Variants in ZNF248 observed in about 807,000 individuals in gnomAD.
The protein encoded by ZNF248 is zinc finger protein 248.
In ZNF248, 20 loss-of-function variants were observed where a neutral mutation model predicts 44.3. The ratio of observed to expected loss-of-function variants is 0.45; its 90% CI spans 0.32 to 0.66. The LOEUF is 0.66. ZNF248 is among the 30% of genes least tolerant of loss of function. The pLI, the probability that ZNF248 is intolerant of heterozygous loss-of-function variation, is 0.04. For missense variants in ZNF248, 654 were observed against 677.0 expected, an observed-to-expected ratio of 0.97 and a Z score of 0.38; for synonymous variants, 224 against 229.0, an observed-to-expected ratio of 0.98 and a Z score of 0.20.
At chr10:37,834,776 G>A (rs914265027) in intron 5 of ZNF248, among the ~76,000 whole-genome samples, 25 of 152,084 alleles carry the variant, frequency 1.6e-4, no homozygotes, top group African/African-American at 6.0e-4. Flanking sequence ...TACAAACACA[G>A]TATGAATTAC....
chr10:37,786,107 G>A (rs1684159556), intron 6 of ZNF248, among the ~76,000 whole-genome samples: 1 of 152,096 alleles, frequency 6.6e-6, no homozygotes, highest in African/African-American at 2.4e-5. Context: ...CTGACAACAT[G>A]GGTTTTATCT....
intron 6 of ZNF248, among the ~76,000 whole-genome samples, chr10:37,781,698 G>A (rs1414008491): frequency 6.6e-6 from 1 of 152,214 alleles, no homozygotes; most frequent in Non-Finnish European, 1.5e-5. Context: ...TGAGAAAGGT[G>A]TGATTGAGGC....
downstream of ZNF248, among the ~76,000 whole-genome samples, chr10:37,826,217 G>C (rs1479397746): frequency 6.6e-6 from 1 of 152,026 alleles, no homozygotes; most frequent in Admixed American, 6.6e-5. Flanking sequence ...TGAAATATAA[G>C]AAGTAATATA....
intron 6 of ZNF248, among the ~76,000 whole-genome samples, chr10:37,777,495 A>G (rs1247766660): frequency 6.6e-6 from 1 of 151,046 alleles, no homozygotes; most frequent in African/African-American, 2.4e-5. Context: ...AAACCTCAAT[A>G]AACGCCATGG....
chr10:37,783,289 C>G (rs1266130336), intron 6 of ZNF248, among the ~76,000 whole-genome samples: 2 of 152,118 alleles, frequency 1.3e-5, no homozygotes, highest in Non-Finnish European at 2.9e-5. Context: ...GAAGCAGTAA[C>G]CATTAAGAGA....
At chr10:37,792,359 A>G (rs1259472331) in intron 6 of ZNF248, among the ~76,000 whole-genome samples, 1 of 152,246 alleles carries the variant, frequency 6.6e-6, no homozygotes, top group African/African-American at 2.4e-5. Flanking sequence ...ATGAGGCCAC[A>G]TTGACATAAA....
rs999210735 is a variant in ZNF248 at position 37,819,912 on chromosome 10, T to C, written c.330+13113A>G. 1.2e-5 allele frequency: 9 copies of C among 773,260 alleles called. No homozygotes were observed. The African/African-American group carries it at 1.5e-4, about 13-fold the overall frequency. The allele number at this position is 773,260 out of a possible 1,614,324, so 47.9% of individuals were successfully genotyped here. On this transcript the variant is annotated intron_variant, in intron 6 of 6. Coordinates refer to the ZNF248 transcript ENST00000615949. ...TAAGATTCTGAAAAGCATAACCATC[T>C]GCCCATTGTTCAGTAAACGAGGCCC...
intron 6 of ZNF248, chr10:37,795,609 T>G (rs1564480475): frequency 6.6e-6 from 1 of 152,200 alleles, no homozygotes; most frequent in Non-Finnish European, 1.5e-5. Flanking sequence ...CAGTATTCAT[T>G]ATGACTGATA....
chr10:37,780,216 T>C (rs994805172), intron 6 of ZNF248, among the ~76,000 whole-genome samples: 15 of 151,940 alleles, frequency 9.9e-5, no homozygotes, highest in Non-Finnish European at 1.9e-4. Context: ...AAGTCAATCC[T>C]AAGCCAAAAG....
intron 6 of ZNF248, among the ~76,000 whole-genome samples, chr10:37,806,992 TTC>T (rs765800498): frequency 3.6e-4 from 54 of 151,922 alleles, no homozygotes; most frequent in Admixed American, 2.6e-3. Context: ...CATTTTTTTT[TTC>T]TTTTTTTGAG....
chr10:37,834,698 CA>C (rs1294888156), intron 5 of ZNF248, among the ~76,000 whole-genome samples: 1 of 152,156 alleles, frequency 6.6e-6, no homozygotes, highest in East Asian at 1.9e-4. Context: ...TAAGTTTCAG[CA>C]AAAAATCAAG....
At chr10:37,819,464 C>A in intron 6 of ZNF248, 5 of 1,566,894 alleles carry the variant, frequency 3.2e-6, no homozygotes, top group Non-Finnish European at 4.4e-6. Flanking sequence ...AGCTACGTAT[C>A]TTTGCTCTAT....
chr10:37,778,084 A>G (rs1364374505), intron 6 of ZNF248, among the ~76,000 whole-genome samples: 1 of 152,126 alleles, frequency 6.6e-6, no homozygotes, highest in African/African-American at 2.4e-5. Context: ...TGGTACTTCC[A>G]GTTCTAGATC....
chr10:37,821,212 A>G (rs1472807822), intron 6 of ZNF248, among the ~76,000 whole-genome samples: 1 of 152,106 alleles, frequency 6.6e-6, no homozygotes, highest in East Asian at 1.9e-4. Context: ...CTAAGCAACT[A>G]CAAAAATGAC....
At chr10:37,804,657 G>C (rs1208682) in intron 6 of ZNF248, among the ~76,000 whole-genome samples, 1 of 152,114 alleles carries the variant, frequency 6.6e-6, no homozygotes, top group Admixed American at 6.5e-5. Flanking sequence ...GGCTGGTCTC[G>C]AACTCCTGGG....
intron 6 of ZNF248, chr10:37,803,935 T>G (rs1476832605): frequency 6.6e-6 from 1 of 152,618 alleles, no homozygotes; most frequent in East Asian, 1.9e-4. Flanking sequence ...GGCACATCAG[T>G]TCTCAATGCT....
intron 3 of ZNF248, among the ~76,000 whole-genome samples, chr10:37,841,117 A>AT (rs933258258): frequency 1.3e-5 from 2 of 152,200 alleles, no homozygotes; most frequent in Non-Finnish European, 2.9e-5. Flanking sequence ...TGTTCACATG[A>AT]TTTTTTATAG....
chr10:37,820,305 T>G, intron 6 of ZNF248: 1 of 1,396,272 alleles, frequency 7.2e-7, no homozygotes, highest in Non-Finnish European at 1.0e-6. Flanking sequence ...GGGACTGTTT[T>G]GCTGAGCTGA....
At position 37,829,579 on chromosome 10, in the gene ZNF248, G is replaced by A; in HGVS notation, c.*2036C>T. 1.0e-6 allele frequency: 1 copy of A among 985,326 alleles called. No individual in the cohort carries two copies. The highest frequency in any genetic ancestry group is 1.2e-6 in the Non-Finnish European group (1 of 829,910). The allele number at this position is 985,326 out of a possible 1,614,324, so 61.0% of individuals were successfully genotyped here. Reference sequence around the variant, plus strand: ...ACCAAATAAAAAACAGTTATTGAGGGTTATAAAAAGTCCCAGTAGAGAACA... The same window carrying A: ...ACCAAATAAAAAACAGTTATTGAGGATTATAAAAAGTCCCAGTAGAGAACA... On this transcript the variant is annotated 3_prime_UTR_variant, in exon 6 of 6. Coordinates refer to ENST00000395867, the MANE Select transcript of ZNF248 (RefSeq NM_021045.3).
Sources: allele counts gnomAD v4.1 joint callset (sites outside exome capture counted in the v4.1 genomes callset), GRCh38; gene constraint gnomAD v4.1.1; transcripts MANE v1.5; gene names NCBI Gene and HGNC (gene_info 2026-07-23, HGNC 2026-07-21).